Variants in NRXN3 observed in about 807,000 individuals in gnomAD.
NRXN3 encodes the protein neurexin III.
A neutral mutation model predicts 137.6 loss-of-function variants in NRXN3; 32 were observed. That is an observed-to-expected ratio of 0.23 (90% CI 0.18 to 0.31). NRXN3 has a LOEUF of 0.31. Ranked by LOEUF, NRXN3 falls within the 10% of genes least tolerant of loss-of-function variation. The probability of loss-of-function intolerance (pLI) is 1.00; values close to 1 mark genes in which losing one functional copy is unlikely to be tolerated. For missense variants in NRXN3, 1,574 were observed against 2,062.5 expected (o/e 0.76, Z 4.59); for synonymous variants, 798 against 784.5 (o/e 1.02, Z -0.29).
intron 15 of NRXN3, among the ~76,000 whole-genome samples, chr14:79,170,456 T>G (rs561060181): frequency 6.6e-6 from 1 of 152,230 alleles, no homozygotes; most frequent in African/African-American, 2.4e-5. Flanking sequence ...GCTACAGTTA[T>G]GCAGAAAATA....
At chr14:78,548,283 A>G (rs2096655086) in intron 4 of NRXN3, among the ~76,000 whole-genome samples, 1 of 152,252 alleles carries the variant, frequency 6.6e-6, no homozygotes, top group Non-Finnish European at 1.5e-5. Context: ...AATATCAATC[A>G]CTTCTTTATT....
intron 6 of NRXN3, among the ~76,000 whole-genome samples, chr14:78,666,035 A>T (rs1241541453): frequency 6.6e-6 from 1 of 152,114 alleles, no homozygotes; most frequent in Non-Finnish European, 1.5e-5. Context: ...TCTCCCTTTC[A>T]ACTTCCGAAT....
At position 78,903,147 on chromosome 14, in the gene NRXN3, C is replaced by CTTT. The variant is rs965920523; in HGVS notation, c.2276-54080_2276-54078dup. ...GAAATAAACAATGAAGTTTCATCTT[C>CTTT]TTTTTTTTTTTTTTTTTCTGAGACA... is the stretch of plus-strand genomic sequence containing the variant. On this transcript the variant is annotated intron_variant, in intron 10 of 20. Transcript: ENST00000335750. Among the ~76,000 whole-genome samples the CTTT allele has an allele frequency of 1.8e-3, 213 of 121,478 alleles. 5 individuals carry two copies. The highest frequency in any genetic ancestry group is 6.5e-3 in the African/African-American group (192 of 29,658). 79.7% of individuals were successfully genotyped at this position (121,478 alleles called of 152,430 possible).
At chr14:78,937,691 C>T (rs909665065) in intron 10 of NRXN3, among the ~76,000 whole-genome samples, 2 of 152,102 alleles carry the variant, frequency 1.3e-5, no homozygotes, top group African/African-American at 4.8e-5. Flanking sequence ...GGAAATTCTC[C>T]ATTTCTTAGG....
At chr14:78,820,288 G>T (rs1026341867) in intron 10 of NRXN3, among the ~76,000 whole-genome samples, 1 of 149,092 alleles carries the variant, frequency 6.7e-6, no homozygotes, top group Non-Finnish European at 1.5e-5. Context: ...TATCATAAAA[G>T]ATAATATAAT....
At chr14:79,610,949 CA>C (rs2098090769) in intron 16 of NRXN3, among the ~76,000 whole-genome samples, 1 of 152,106 alleles carries the variant, frequency 6.6e-6, no homozygotes, top group South Asian at 2.1e-4. Flanking sequence ...AGCAACTTGC[CA>C]GGGGGATGTG....
At chr14:79,257,343 CTGGTGGTGGTGGTGGTGGTGGTGGTGG>C (rs577147425) in intron 15 of NRXN3, among the ~76,000 whole-genome samples, 2 of 12,704 alleles carry the variant, frequency 1.6e-4, no homozygotes, top group African/African-American at 3.3e-4. Flanking sequence ...TGTCTTATTC[CTGGTGGTGGTGGTGGTGGTGGTGGTGG>C]TGGTGGTGGT....
At chr14:79,446,144 TAG>T (rs1002399173) in intron 15 of NRXN3, among the ~76,000 whole-genome samples, 1 of 152,146 alleles carries the variant, frequency 6.6e-6, no homozygotes, top group Admixed American at 6.6e-5. Flanking sequence ...GAAGAAAATA[TAG>T]AGTTTATATG....
intron 4 of NRXN3, among the ~76,000 whole-genome samples, chr14:78,343,281 T>C (rs1030383677): frequency 6.6e-6 from 1 of 152,216 alleles, no homozygotes; most frequent in Non-Finnish European, 1.5e-5. Flanking sequence ...TAATATGGAA[T>C]ATCATAATCT....
At chr14:79,605,011 G>A (rs1377428173) in intron 16 of NRXN3, among the ~76,000 whole-genome samples, 4 of 152,060 alleles carry the variant, frequency 2.6e-5, no homozygotes, top group Admixed American at 6.5e-5. Context: ...TAGCCTGGGC[G>A]ACAGAGTGAG....
intron 15 of NRXN3, among the ~76,000 whole-genome samples, chr14:79,039,194 T>A (rs189627260): frequency 3.1e-4 from 47 of 152,226 alleles, no homozygotes; most frequent in East Asian, 2.3e-3. Flanking sequence ...GAGTGGATTC[T>A]TAGAGTAAAA....
At chr14:78,284,168 G>A (rs2074834313) in intron 3 of NRXN3, among the ~76,000 whole-genome samples, 1 of 152,144 alleles carries the variant, frequency 6.6e-6, no homozygotes, top group Non-Finnish European at 1.5e-5. Flanking sequence ...AACTGCTTAG[G>A]GGAAACCTGC....
chr14:79,706,288 C>A (rs1406192328), intron 19 of NRXN3, among the ~76,000 whole-genome samples: 4 of 152,198 alleles, frequency 2.6e-5, no homozygotes, highest in African/African-American at 4.8e-5. Flanking sequence ...ATATCACCCA[C>A]CTTTCCCTTT....
At chr14:79,529,897 G>C (rs904961465) in intron 16 of NRXN3, among the ~76,000 whole-genome samples, 9 of 152,112 alleles carry the variant, frequency 5.9e-5, no homozygotes, top group African/African-American at 1.7e-4. Flanking sequence ...GCCAGCCTAT[G>C]TTCATTCTCA....
intron 17 of NRXN3, among the ~76,000 whole-genome samples, chr14:79,668,012 C>T (rs1359142456): frequency 3.3e-5 from 5 of 151,970 alleles, no homozygotes; most frequent in Non-Finnish European, 5.9e-5. Context: ...GACTGATACA[C>T]AGCTTCAATC....
At chr14:79,674,328 G>A (rs899316555) in intron 17 of NRXN3, among the ~76,000 whole-genome samples, 6 of 151,878 alleles carry the variant, frequency 4.0e-5, no homozygotes, top group African/African-American at 7.3e-5. Context: ...ACTTTGATGA[G>A]TTTAGACATG....
At chr14:78,816,828 T>C (rs758258100) in intron 10 of NRXN3, among the ~76,000 whole-genome samples, 12 of 152,206 alleles carry the variant, frequency 7.9e-5, no homozygotes, top group Non-Finnish European at 1.5e-4. Flanking sequence ...ATTATCAAAC[T>C]GTATTTTCAT....
chr14:79,536,856 T>A (rs1244466812), intron 16 of NRXN3, among the ~76,000 whole-genome samples: 1 of 152,178 alleles, frequency 6.6e-6, no homozygotes, highest in Non-Finnish European at 1.5e-5. Context: ...GTCCAGTCTA[T>A]CATTGATGGG....
intron 15 of NRXN3, among the ~76,000 whole-genome samples, chr14:79,095,828 A>C (rs1032893064): frequency 1.3e-5 from 2 of 152,088 alleles, no homozygotes; most frequent in African/African-American, 4.8e-5. Flanking sequence ...CCTAGGGAAA[A>C]TATTTCCTTC....
Sources: gnomAD v4.1 joint callset for allele counts (sites outside exome capture counted in the v4.1 genomes callset) on GRCh38, gnomAD v4.1.1 for gene constraint, MANE v1.5 for transcripts, NCBI Gene and HGNC (gene_info 2026-07-23, HGNC 2026-07-21) for gene names.